Variants in AKT3 observed in about 807,000 individuals in gnomAD.
AKT3 encodes AKT serine/threonine kinase 3, also known as RAC-gamma serine/threonine-protein kinase.
A neutral mutation model predicts 65.3 loss-of-function variants in AKT3; 15 were observed. The observed-to-expected ratio is 0.23, with a 90% CI of 0.15 to 0.35. The LOEUF (loss-of-function observed/expected upper bound fraction) is 0.35, where lower values mean the gene tolerates loss of function less well. Among genes scored for constraint, AKT3 ranks in the 10% least tolerant of loss-of-function variants. The pLI, the probability that AKT3 is intolerant of heterozygous loss-of-function variation, is 1.00. For synonymous variants in AKT3, 206 were observed against 183.8 expected (o/e 1.12, Z -0.98); for missense variants, 243 against 576.5 (o/e 0.42, Z 5.92).
At chr1:243,734,046 A>ATT (rs1276173157) in intron 2 of AKT3, among the ~76,000 whole-genome samples, 4 of 152,322 alleles carry the variant, frequency 2.6e-5, no homozygotes, top group Non-Finnish European at 5.9e-5. Flanking sequence ...AACAGAAAAA[A>ATT]ATTAGCTAAT....
At chr1:243,660,852 C>T (rs1370757841) in intron 4 of AKT3, among the ~76,000 whole-genome samples, 1 of 152,212 alleles carries the variant, frequency 6.6e-6, no homozygotes, top group South Asian at 2.1e-4. Context: ...TGATAAGCAA[C>T]TTCAGCAAAG....
At chr1:243,533,461 T>C (rs1671683723) in intron 12 of AKT3, among the ~76,000 whole-genome samples, 1 of 152,196 alleles carries the variant, frequency 6.6e-6, no homozygotes, top group South Asian at 2.1e-4. Flanking sequence ...CCTATGGCAA[T>C]TGTACTATCT....
intron 6 of AKT3, among the ~76,000 whole-genome samples, chr1:243,616,555 G>A (rs1278350184): frequency 6.6e-6 from 1 of 152,032 alleles, no homozygotes; most frequent in Non-Finnish European, 1.5e-5. Flanking sequence ...CTGCTGAAAC[G>A]AACACAGCAT....
At chr1:243,678,506 A>AT (rs1247922905) in intron 3 of AKT3, among the ~76,000 whole-genome samples, 1 of 152,220 alleles carries the variant, frequency 6.6e-6, no homozygotes, top group Non-Finnish European at 1.5e-5. Flanking sequence ...TCCAAAATTT[A>AT]TTTTTTAAAT....
chr1:243,748,814 G>A (rs1161116231), intron 2 of AKT3, among the ~76,000 whole-genome samples: 2 of 152,162 alleles, frequency 1.3e-5, no homozygotes, highest in Middle Eastern at 3.4e-3. Context: ...TGTTTATACA[G>A]GTCTGACTTT....
At chr1:243,757,778 T>A (rs565886423) in intron 2 of AKT3, among the ~76,000 whole-genome samples, 6 of 151,982 alleles carry the variant, frequency 3.9e-5, no homozygotes, top group Admixed American at 3.3e-4. Flanking sequence ...TTTTTTTTTT[T>A]CATATGGAAT....
intron 12 of AKT3, among the ~76,000 whole-genome samples, chr1:243,517,197 A>T (rs969407928): frequency 6.6e-6 from 1 of 152,144 alleles, no homozygotes; most frequent in Admixed American, 6.5e-5. Flanking sequence ...CAGTACTTAA[A>T]TCCTTTAAAA....
rs547020050 is a variant in AKT3 at position 243,789,603 on chromosome 1, T to C, written c.46+53522A>G. ...TGAAATTCAACTTTTTCCAAACTCT[T>C]GTTAATGCTGATATTCTGACCTCCT... On this transcript the variant is annotated intron_variant, in intron 2 of 13. Coordinates refer to ENST00000673466, the MANE Select transcript of AKT3 (RefSeq NM_005465.7). Among the ~76,000 whole-genome samples, 14 of 152,308 alleles carry C rather than the reference T, an allele frequency of 9.2e-5. No individual in the cohort carries two copies. In the South Asian group the frequency reaches 2.9e-3, roughly 32 times the overall value.
intron 2 of AKT3, among the ~76,000 whole-genome samples, chr1:243,836,110 T>TA (rs1402679158): frequency 1.3e-4 from 20 of 152,068 alleles, no homozygotes; most frequent in African/African-American, 4.6e-4. Context: ...TTAGATTTTT[T>TA]AAAAAAGACA....
chr1:243,565,160 G>A (rs1178623052), intron 9 of AKT3, among the ~76,000 whole-genome samples: 1 of 152,206 alleles, frequency 6.6e-6, no homozygotes, highest in East Asian at 1.9e-4. Flanking sequence ...ATGTCTCACA[G>A]AGGTAAGTCT....
chr1:243,740,610 T>C (rs1688094280), intron 2 of AKT3: 2 of 152,250 alleles, frequency 1.3e-5, no homozygotes, highest in African/African-American at 2.4e-5. Context: ...TTAGCTTACC[T>C]GTTGTCTATG....
intron 2 of AKT3, among the ~76,000 whole-genome samples, chr1:243,795,245 G>T (rs556193003): frequency 5.3e-5 from 8 of 151,720 alleles, no homozygotes; most frequent in Admixed American, 1.3e-4. Context: ...TGAAAGATCT[G>T]TGTGGGAAAA....
chr1:243,621,111 T>C (rs554498707), intron 6 of AKT3, among the ~76,000 whole-genome samples: 1 of 152,248 alleles, frequency 6.6e-6, no homozygotes, highest in Non-Finnish European at 1.5e-5. Context: ...CCTTCTTCCT[T>C]GCCTGGTAGG....
intron 2 of AKT3, among the ~76,000 whole-genome samples, chr1:243,728,641 C>T (rs1015600578): frequency 4.6e-5 from 7 of 152,160 alleles, no homozygotes; most frequent in Non-Finnish European, 8.8e-5. Flanking sequence ...TGGTCATATG[C>T]TGTCAGTTCT....
At chr1:243,728,036 A>G (rs577488371) in intron 2 of AKT3, among the ~76,000 whole-genome samples, 2 of 152,316 alleles carry the variant, frequency 1.3e-5, no homozygotes, top group East Asian at 3.9e-4. Context: ...GAAACCACAT[A>G]CAACTTGAAG....
intron 3 of AKT3, chr1:243,687,937 G>A (rs1255880734): frequency 2.6e-5 from 4 of 152,002 alleles, no homozygotes; most frequent in Non-Finnish European, 4.4e-5. Context: ...CTTAAGATAA[G>A]GCAGCTATTC....
At chr1:243,615,777 G>T (rs1678255358) in intron 6 of AKT3, among the ~76,000 whole-genome samples, 2 of 151,956 alleles carry the variant, frequency 1.3e-5, no homozygotes, top group African/African-American at 2.4e-5. Flanking sequence ...TGTTGCCCAG[G>T]ATAGAGTACA....
chr1:243,668,440 G>GT (rs1308092802), intron 3 of AKT3, among the ~76,000 whole-genome samples: 4 of 152,208 alleles, frequency 2.6e-5, no homozygotes, highest in African/African-American at 9.6e-5. Flanking sequence ...CACTGCTTCT[G>GT]TTTTTTTCAG....
At chr1:243,807,213 C>T (rs909061083) in intron 2 of AKT3, among the ~76,000 whole-genome samples, 1 of 152,140 alleles carries the variant, frequency 6.6e-6, no homozygotes, top group East Asian at 1.9e-4. Flanking sequence ...GTGCACCAAG[C>T]GTGAGCCAAA....
Sources: gnomAD v4.1 joint callset for allele counts (sites outside exome capture counted in the v4.1 genomes callset) on GRCh38, gnomAD v4.1.1 for gene constraint, MANE v1.5 for transcripts, NCBI Gene and HGNC (gene_info 2026-07-23, HGNC 2026-07-21) for gene names.